The following NALCN variants were observed in gnomAD, a reference collection of about 807,000 sequenced individuals.
NALCN encodes the protein sodium leak channel NALCN.
A neutral mutation model predicts 225.3 loss-of-function variants in NALCN; 111 were observed. The ratio of observed to expected loss-of-function variants is 0.49; its 90% CI spans 0.42 to 0.58. The LOEUF is 0.58. NALCN is among the 20% of genes least tolerant of loss of function. The pLI is 0.00. For synonymous variants in NALCN, 764 were observed against 769.0 expected (o/e 0.99, Z 0.11); for missense variants, 1,378 against 2,202.4 (o/e 0.63, Z 7.49).
rs1210134107 is a variant in NALCN at position 101,238,731 on chromosome 13, T to C, written c.1267-809A>G. Among the ~76,000 whole-genome samples the C allele has an allele frequency of 3.9e-5, 6 of 151,948 alleles. 1 individual carries two copies. On this transcript the variant is annotated intron_variant, in intron 11 of 43. Transcript: ENST00000251127. Reference sequence around the variant, plus strand: ...GGGTGACTACTGGGATTAGTCATAATATGTCCCTCTGAGAAGACACTACAT... The same window carrying C: ...GGGTGACTACTGGGATTAGTCATAACATGTCCCTCTGAGAAGACACTACAT...
intron 39 of NALCN, among the ~76,000 whole-genome samples, chr13:101,066,006 C>T (rs547245521): frequency 5.9e-5 from 9 of 152,150 alleles, no homozygotes; most frequent in Non-Finnish European, 1.2e-4. Flanking sequence ...ATGCTAGGAA[C>T]GTCTCAATGT....
chr13:101,084,000 G>C (rs1313495587), intron 30 of NALCN, among the ~76,000 whole-genome samples, 196 bp from the exon 31 acceptor site: 2 of 152,154 alleles, frequency 1.3e-5, no homozygotes, highest in Admixed American at 6.5e-5. Context: ...ATGATGACCA[G>C]GTGTTTCAGA....
At chr13:101,068,554 CT>C in intron 38 of NALCN, 140 bp downstream of exon 38, 1 of 877,190 alleles carries the variant, frequency 1.1e-6, no homozygotes, top group Non-Finnish European at 1.6e-6. Context: ...TTTTCAGCTT[CT>C]GGATTGAGAG....
At chr13:101,327,987 C>A (rs1332173247) in intron 7 of NALCN, among the ~76,000 whole-genome samples, 2 of 152,066 alleles carry the variant, frequency 1.3e-5, no homozygotes, top group African/African-American at 4.8e-5. Flanking sequence ...AGCCACAGAC[C>A]ATGTCTAAAC....
intron 10 of NALCN, 73 bp downstream of exon 10, chr13:101,283,860 G>T: frequency 7.8e-7 from 1 of 1,290,240 alleles, no homozygotes; most frequent in Non-Finnish European, 1.1e-6. Context: ...TTAAAGAGCT[G>T]TGGATTTTCT....
At chr13:101,235,129 T>G (rs555932021) in intron 12 of NALCN, among the ~76,000 whole-genome samples, 1 of 152,032 alleles carries the variant, frequency 6.6e-6, no homozygotes, top group Non-Finnish European at 1.5e-5. Flanking sequence ...ATCGTTTAAA[T>G]AAAACAGTCA....
At chr13:101,359,893 C>T (rs950369185) in intron 6 of NALCN, among the ~76,000 whole-genome samples, 2 of 152,096 alleles carry the variant, frequency 1.3e-5, no homozygotes, top group African/African-American at 2.4e-5. Context: ...TACATTAACA[C>T]GATCTCCAGT....
At chr13:101,310,967 C>T (rs577578115) in intron 7 of NALCN, among the ~76,000 whole-genome samples, 12 of 152,084 alleles carry the variant, frequency 7.9e-5, no homozygotes, top group South Asian at 6.2e-4. Context: ...GCCATTTTCA[C>T]GATATTGATT....
At position 101,081,620 on chromosome 13, in the gene NALCN, C is replaced by T. The variant is rs150385138; in HGVS notation, c.3792G>A (p.Ser1264=). 7.7e-5 allele frequency: 125 copies of T among 1,613,874 alleles called. 1 individual carries two copies. The highest frequency in any genetic ancestry group is 1.8e-4 in the East Asian group (8 of 44,864). ...LEVTMKIIAM[S]PAGFWQSRRN... is the part of the protein sequence containing the mutation. Reference sequence around the variant, plus strand: ...TTCTGCTTTGCCAGAAGCCAGCAGGCGACATTGCTATGATCTTCATGGTAA... The same window carrying T: ...TTCTGCTTTGCCAGAAGCCAGCAGGTGACATTGCTATGATCTTCATGGTAA... The change falls in exon 34 of 44, where the codon TCG becomes TCA. Residue 1264 remains serine, a synonymous_variant. Coordinates refer to ENST00000251127, the MANE Select transcript of NALCN (RefSeq NM_052867.4).
intron 15 of NALCN, among the ~76,000 whole-genome samples, chr13:101,155,328 C>T (rs1336180631): frequency 6.6e-6 from 1 of 152,180 alleles, no homozygotes; most frequent in African/African-American, 2.4e-5. Context: ...ATCCTGGAAA[C>T]CACATTGCAT....
At chr13:101,290,280 C>T (rs2043503899) in intron 9 of NALCN, among the ~76,000 whole-genome samples, 1 of 152,128 alleles carries the variant, frequency 6.6e-6, no homozygotes, top group African/African-American at 2.4e-5. Flanking sequence ...ACTCCATAAA[C>T]ATACTATGGT....
chr13:101,398,642 T>C (rs2047381804), intron 2 of NALCN, among the ~76,000 whole-genome samples: 1 of 152,160 alleles, frequency 6.6e-6, no homozygotes, highest in Non-Finnish European at 1.5e-5. Flanking sequence ...TCCAAACATG[T>C]GCATATTGTC....
Position 101,068,716 on chromosome 13 carries a change from T to C in NALCN, c.4309A>G (p.Ile1437Val). 1 of 1,608,380 alleles carries C rather than the reference T, an allele frequency of 6.2e-7. No individual in the cohort carries two copies. The highest frequency in any genetic ancestry group is 8.5e-7 in the Non-Finnish European group (1 of 1,177,846). ...TTACCTACAAGCAGATTTAGCATGA[T>C]GTAGGCAATGATGACATAAAATGAA... ...FCSFYVIIAY[I>V]MLNLLVAIIV... is the part of the protein sequence containing the mutation. Residue 1437 changes from isoleucine (I) to valine (V), a missense_variant, in exon 38 of 44, where the codon ATC becomes GTC. Ile to Val is a conservative substitution (Grantham distance 29). Around this residue, in one of 19 missense-constraint regions of NALCN, gnomAD observed 16 missense variants for 66.7 expected, o/e 0.24. Transcript: ENST00000251127.
intron 3 of NALCN, among the ~76,000 whole-genome samples, chr13:101,384,591 TCA>T (rs1375132521): frequency 1.3e-5 from 2 of 152,176 alleles, no homozygotes; most frequent in Non-Finnish European, 2.9e-5. Flanking sequence ...ATATATTACT[TCA>T]ACAGTGCTTA....
chr13:101,412,477 T>C (rs1028372600), intron 1 of NALCN, among the ~76,000 whole-genome samples: 5 of 152,210 alleles, frequency 3.3e-5, no homozygotes, highest in African/African-American at 1.2e-4. Flanking sequence ...ACCCTGGACC[T>C]GTGGGGTCAG....
intron 1 of NALCN, among the ~76,000 whole-genome samples, chr13:101,414,270 C>T (rs374557671): frequency 3.5e-4 from 54 of 152,306 alleles, no homozygotes; most frequent in Middle Eastern, 3.4e-3. Context: ...TGTATATCCA[C>T]CTGCTTACAT....
At chr13:101,367,301 C>T (rs1011363583) in intron 6 of NALCN, among the ~76,000 whole-genome samples, 1 of 151,920 alleles carries the variant, frequency 6.6e-6, no homozygotes, top group African/African-American at 2.4e-5. Flanking sequence ...CCTTAATTTC[C>T]AATTCAAACA....
intron 7 of NALCN, among the ~76,000 whole-genome samples, chr13:101,341,006 C>G (rs1290922164): frequency 6.6e-6 from 1 of 152,130 alleles, no homozygotes; most frequent in African/African-American, 2.4e-5. Context: ...CTCTATTATA[C>G]ATTTCATATA....
intron 13 of NALCN, among the ~76,000 whole-genome samples, chr13:101,207,491 T>A (rs7333972): frequency 0.21 from 32,467 of 152,220 alleles, 3,613 homozygotes; most frequent in East Asian, 0.37. Flanking sequence ...TTCTTTTTGT[T>A]CTCTACATTT....
Sources: allele counts gnomAD v4.1 joint callset (sites outside exome capture counted in the v4.1 genomes callset), GRCh38; gene constraint gnomAD v4.1.1; regional missense constraint gnomAD v4.1.1; transcripts MANE v1.5; gene names NCBI Gene and HGNC (gene_info 2026-07-23, HGNC 2026-07-21).